The following PAGE4 variants were observed in gnomAD, a reference collection of about 807,000 sequenced individuals.
The protein encoded by PAGE4 is P antigen family member 4.
A neutral mutation model predicts 8.5 loss-of-function variants in PAGE4; 1 was observed. The observed-to-expected ratio is 0.12, with a 90% CI of 0.04 to 0.56. The LOEUF (loss-of-function observed/expected upper bound fraction) is 0.56, where lower values mean the gene tolerates loss of function less well. Among genes scored for constraint, PAGE4 ranks in the 20% least tolerant of loss-of-function variants. The pLI is 0.91. For missense variants in PAGE4, 93 were observed against 82.7 expected (o/e 1.13, Z -0.49); for synonymous variants, 26 against 26.3 (o/e 0.99, Z 0.04).
At chrX:49,833,821 C>A (rs782031033) in intron 4 of PAGE4, 25 bp from the exon 5 acceptor site, 2 of 1,155,468 alleles carry the variant, frequency 1.7e-6, no homozygotes, top group South Asian at 3.7e-5. Context: ...AAGTAATGAA[C>A]TCAACTGTTA....
At chrX:49,832,442 T>C (rs1923503360) in intron 3 of PAGE4, 83 bp from the exon 4 acceptor site, 5 of 618,902 alleles carry the variant, frequency 8.1e-6, no homozygotes, top group Non-Finnish European at 1.2e-5. Flanking sequence ...TTTGTTAGAA[T>C]ACAAGCCTAC....
chrX:49,833,845 G>A lies in PAGE4; in HGVS notation c.293-1G>A. The A allele has an allele frequency of 8.5e-7, 1 of 1,182,992 alleles. No individual in the cohort carries two copies. The highest frequency in any genetic ancestry group is 1.1e-6 in the Non-Finnish European group (1 of 871,793). On this transcript the variant is annotated splice_acceptor_variant, in intron 4 of 4. Coordinates refer to ENST00000218068, the MANE Select transcript of PAGE4 (RefSeq NM_007003.4). LOFTEE classifies it high-confidence loss of function. ...ACTCAACTGTTATGTTTATATTTTA[G>A]GAGATGGGCAGCCATAAGTTAAAAA...
Position 49,832,744 on chromosome X carries a change from G to A in PAGE4, c.292+94G>A, listed in dbSNP as rs1186383660. 1.7e-5 allele frequency: 14 copies of A among 807,555 alleles called. No homozygotes were observed. The Admixed American group carries it at 3.7e-4, about 22-fold the overall frequency. The allele number at this position is 807,555 out of a possible 1,213,427, so 66.6% of individuals were successfully genotyped here. A position where few individuals can be genotyped will look rare whatever the true frequency, so the allele number is the denominator to read the frequency against. ...CTCGCATACAAATATTATTTGAAAG[G>A]TAGTTCAGACACCAAATACTTGATT... On this transcript the variant is annotated intron_variant, in intron 4 of 4. Transcript: ENST00000218068.
intron 3 of PAGE4, among the ~76,000 whole-genome samples, chrX:49,831,864 G>A (rs1318090161): frequency 1.8e-5 from 2 of 111,904 alleles, no homozygotes; most frequent in African/African-American, 6.5e-5. Context: ...TCAAATTCAG[G>A]AAAATTAGCA....
intron 4 of PAGE4, 111 bp from the exon 5 acceptor site, chrX:49,833,734 TG>T: frequency 1.9e-6 from 1 of 523,142 alleles, no homozygotes; most frequent in Non-Finnish European, 3.3e-6. Flanking sequence ...GTTAGCGTTC[TG>T]GTTTTAATTT....
intron 3 of PAGE4, among the ~76,000 whole-genome samples, chrX:49,831,713 A>G (rs1923484510): frequency 8.9e-6 from 1 of 111,982 alleles, no homozygotes; most frequent in Non-Finnish European, 1.9e-5. Context: ...TTTGCCATTT[A>G]TCTCCCTGTT....
intron 4 of PAGE4, 132 bp downstream of exon 4, chrX:49,832,782 C>G: frequency 1.8e-6 from 1 of 545,061 alleles, no homozygotes; most frequent in Non-Finnish European, 2.9e-6. Flanking sequence ...AAGACAGTGT[C>G]AGGGGAAAAA....
intron 4 of PAGE4, among the ~76,000 whole-genome samples, chrX:49,833,573 T>TCTA (rs1923540312): frequency 8.9e-6 from 1 of 112,270 alleles, no homozygotes; most frequent in Admixed American, 9.4e-5. Context: ...GTTTTTGCCC[T>TCTA]CTACTTAAAA....
intron 1 of PAGE4, 138 bp downstream of exon 1, chrX:49,829,489 C>G (rs781915594): frequency 1.8e-5 from 2 of 111,743 alleles, no homozygotes; most frequent in East Asian, 5.7e-4. Flanking sequence ...GGGGCAGGGA[C>G]AGGGGAGGAA....
chrX:49,833,065 T>A (rs1923526009), intron 4 of PAGE4, among the ~76,000 whole-genome samples: 1 of 112,111 alleles, frequency 8.9e-6, no homozygotes, highest in South Asian at 3.7e-4. Context: ...GTTTGTTGAT[T>A]TTTTAAAAAA....
At chrX:49,829,794 T>C (rs1341077000) in intron 1 of PAGE4, 1 of 111,747 alleles carries the variant, frequency 8.9e-6, no homozygotes, top group Admixed American at 9.4e-5. Flanking sequence ...TGAGACTCAG[T>C]GGGTGGGTCC....
chrX:49,831,483 T>G, intron 3 of PAGE4, among the ~76,000 whole-genome samples: 1 of 112,382 alleles, frequency 8.9e-6, no homozygotes, highest in Non-Finnish European at 1.9e-5. Flanking sequence ...TACATAGCAA[T>G]TTTTAGAAAA....
At position 49,830,597 on chromosome X, in the gene PAGE4, A is replaced by C. The variant is rs1388403956; in HGVS notation, c.78+91A>C. 22 of 600,241 alleles carry C rather than the reference A, an allele frequency of 3.7e-5. No individual in the cohort carries two copies. The East Asian group carries it at 7.6e-4, about 21-fold the overall frequency. The allele number at this position is 600,241 out of a possible 1,213,427, so 49.5% of individuals were successfully genotyped here. On this transcript the variant is annotated intron_variant, in intron 2 of 4. Transcript: ENST00000218068. ...CATTGTTAACCAATATAGATCTGTT[A>C]TATAAAGGACTTCCCTGCTGAAAAT...
chrX:49,834,046 G>C lies in PAGE4; in HGVS notation c.*184G>C, dbSNP rs1252720528. The C allele has an allele frequency of 4.7e-6, 2 of 422,619 alleles. No individual in the cohort carries two copies. The highest frequency in any genetic ancestry group is 8.3e-6 in the Non-Finnish European group (2 of 240,315). The allele number at this position is 422,619 out of a possible 1,213,427, so 34.8% of individuals were successfully genotyped here. A position where few individuals can be genotyped will look rare whatever the true frequency, so the allele number is the denominator to read the frequency against. On this transcript the variant is annotated 3_prime_UTR_variant, in exon 5 of 5. Transcript: ENST00000218068. ...AATGGTATCTTTAAAAAATCCTTGT[G>C]TTCTGTTTAGAGCTGGTATATATTT... is the stretch of plus-strand genomic sequence containing the variant.
intron 4 of PAGE4, among the ~76,000 whole-genome samples, 184 bp downstream of exon 4, chrX:49,832,834 A>G (rs1923519486): frequency 8.9e-6 from 1 of 112,053 alleles, no homozygotes; most frequent in Non-Finnish European, 1.9e-5. Context: ...TAAAATATGA[A>G]AGTATTATTA....
At chrX:49,832,504 T>C (rs1557156728) in intron 3 of PAGE4, 21 bp from the exon 4 acceptor site, 1 of 1,076,513 alleles carries the variant, frequency 9.3e-7, no homozygotes, top group Non-Finnish European at 1.3e-6. Flanking sequence ...CTTATATCAA[T>C]AACTTTTTTA....
rs1394541173 is a variant in PAGE4, at chrX:49,834,100, T to C, written c.*238T>C. 45 of 360,703 alleles carry C rather than the reference T, an allele frequency of 1.2e-4. No homozygotes were observed. The South Asian group carries it at 2.4e-3, about 19-fold the overall frequency. 29.7% of individuals were successfully genotyped at this position (360,703 alleles called of 1,213,427 possible). On this transcript the variant is annotated 3_prime_UTR_variant, in exon 5 of 5. Coordinates refer to ENST00000218068, the MANE Select transcript of PAGE4 (RefSeq NM_007003.4). ...TATACTGATTTTGTGTTGGGCAACATTGCTAAACTTGCCTATTCTGTTGGT... is the reference window on the plus strand; with the variant it reads ...TATACTGATTTTGTGTTGGGCAACACTGCTAAACTTGCCTATTCTGTTGGT...
intron 1 of PAGE4, 100 bp downstream of exon 1, chrX:49,829,451 T>A (rs1460397228): frequency 1.8e-5 from 2 of 111,495 alleles, no homozygotes; most frequent in African/African-American, 6.6e-5. Flanking sequence ...GAGGTCATCA[T>A]CCTTCTCCTA....
At chrX:49,829,271 A>C (rs1557156211), upstream of PAGE4, 1 of 111,926 alleles carries the variant, frequency 8.9e-6, no homozygotes, top group East Asian at 2.8e-4. Context: ...GACACTGCTG[A>C]GGTCTAAACA....
Sources: gnomAD v4.1 joint callset for allele counts (sites outside exome capture counted in the v4.1 genomes callset) on GRCh38, gnomAD v4.1.1 for gene constraint, MANE v1.5 for transcripts, NCBI Gene and HGNC (gene_info 2026-07-23, HGNC 2026-07-21) for gene names.